CBLB: variants seen among roughly 807,000 people sequenced by gnomAD.
CBLB encodes the protein Cbl proto-oncogene B.
CBLB carries 31 observed loss-of-function variants against 104.9 expected under a neutral mutation model. The observed-to-expected ratio is 0.30, with a 90% CI of 0.22 to 0.40. CBLB has a LOEUF of 0.40. Ranked by LOEUF, CBLB falls within the 10% of genes least tolerant of loss-of-function variation. CBLB has a pLI of 1.00. For synonymous variants in CBLB, 440 were observed against 422.6 expected, an observed-to-expected ratio of 1.04 and a Z score of -0.51; for missense variants, 1,062 against 1,214.6, an observed-to-expected ratio of 0.87 and a Z score of 1.87.
chr3:105,661,271 C>T lies in CBLB; in HGVS notation c.2690-2042G>A, dbSNP rs561994955. Among the ~76,000 whole-genome samples the T allele has an allele frequency of 5.0e-4, 76 of 152,250 alleles. 2 individuals carry two copies. The South Asian group carries it at 0.016, about 31-fold the overall frequency. On this transcript the variant is annotated intron_variant, in intron 18 of 18. Transcript: ENST00000394030. Reference sequence around the variant, plus strand: ...GTTTCTTGCATCTGTAATTAAACATCTCAAACTATTATCGTCTGATAAACT... The same window carrying T: ...GTTTCTTGCATCTGTAATTAAACATTTCAAACTATTATCGTCTGATAAACT...
intron 14 of CBLB, among the ~76,000 whole-genome samples, chr3:105,683,596 T>C (rs2066600067): frequency 6.6e-6 from 1 of 152,068 alleles, no homozygotes; most frequent in South Asian, 2.1e-4. Context: ...CAAAAAAAGC[T>C]CATCCTACTT....
chr3:105,819,542 T>C (rs1034466409), intron 3 of CBLB, among the ~76,000 whole-genome samples: 2 of 152,052 alleles, frequency 1.3e-5, no homozygotes, highest in African/African-American at 2.4e-5. Flanking sequence ...GTAAGATGTA[T>C]AGAAACAATT....
At chr3:105,738,666 G>A (rs905136633) in intron 7 of CBLB, among the ~76,000 whole-genome samples, 19 of 152,074 alleles carry the variant, frequency 1.2e-4, no homozygotes, top group Middle Eastern at 6.8e-3. Flanking sequence ...CTATCAGGAG[G>A]TTGTTGATAG....
At chr3:105,863,165 C>T (rs1031838912) in intron 2 of CBLB, among the ~76,000 whole-genome samples, 1 of 152,142 alleles carries the variant, frequency 6.6e-6, no homozygotes, top group African/African-American at 2.4e-5. Context: ...ATATGAATGC[C>T]TTATATCACA....
rs188064448 is a variant in CBLB, at chr3:105,826,624, T to C, written c.419+26790A>G. On this transcript the variant is annotated intron_variant, in intron 3 of 18. Transcript: ENST00000394030. ...CATCCTCTTGTACCATTCTCTCAAA[T>C]ACTCTTCATAATATAAAGACTTACA... Among the ~76,000 whole-genome samples the C allele has an allele frequency of 2.0e-3, 308 of 152,294 alleles. 2 individuals are homozygous for C. The highest frequency in any genetic ancestry group is 7.2e-3 in the African/African-American group (299 of 41,564).
chr3:105,820,203 G>A (rs2085643894), intron 3 of CBLB, among the ~76,000 whole-genome samples: 1 of 152,106 alleles, frequency 6.6e-6, no homozygotes, highest in South Asian at 2.1e-4. Context: ...ACTCCTATGA[G>A]AATCTAATGC....
At chr3:105,714,897 T>C (rs900561836) in intron 10 of CBLB, among the ~76,000 whole-genome samples, 3 of 152,258 alleles carry the variant, frequency 2.0e-5, no homozygotes, top group South Asian at 2.1e-4. Flanking sequence ...CTTTTGTTCA[T>C]ACCCATTTTT....
intron 7 of CBLB, among the ~76,000 whole-genome samples, chr3:105,739,433 G>A (rs943774501): frequency 6.6e-6 from 1 of 152,100 alleles, no homozygotes; most frequent in African/African-American, 2.4e-5. Flanking sequence ...CAAGGCAGAG[G>A]GGAAGAAAAA....
chr3:105,667,552 T>C (rs988197708), intron 18 of CBLB, among the ~76,000 whole-genome samples: 8 of 152,324 alleles, frequency 5.3e-5, no homozygotes, highest in Non-Finnish European at 1.0e-4. Flanking sequence ...TACGTTCATA[T>C]ATTTAAATTT....
At chr3:105,789,129 C>G (rs2081357204) in intron 3 of CBLB, among the ~76,000 whole-genome samples, 1 of 152,152 alleles carries the variant, frequency 6.6e-6, no homozygotes, top group Admixed American at 6.5e-5. Flanking sequence ...GTTTGCTATA[C>G]AGCAATAAAT....
At chr3:105,678,627 A>T in intron 16 of CBLB, 56 bp from the exon 17 acceptor site, 1 of 1,522,986 alleles carries the variant, frequency 6.6e-7, no homozygotes, top group Non-Finnish European at 9.0e-7. Flanking sequence ...CAAAATACAC[A>T]GCATCTAACA....
At chr3:105,823,042 G>A (rs1346930829) in intron 3 of CBLB, among the ~76,000 whole-genome samples, 1 of 152,186 alleles carries the variant, frequency 6.6e-6, no homozygotes, top group African/African-American at 2.4e-5. Flanking sequence ...ATCCCTAGAA[G>A]TTAAGTGTGT....
At chr3:105,660,474 G>T (rs2063683643) in intron 18 of CBLB, among the ~76,000 whole-genome samples, 2 of 152,020 alleles carry the variant, frequency 1.3e-5, no homozygotes, top group African/African-American at 4.8e-5. Context: ...TTACAGGAGT[G>T]AGCCACCGCA....
intron 2 of CBLB, among the ~76,000 whole-genome samples, chr3:105,856,784 A>G (rs1255701007): frequency 4.6e-5 from 7 of 152,236 alleles, no homozygotes; most frequent in Admixed American, 2.6e-4. Flanking sequence ...AAATCTTTAC[A>G]AAGTATAGTG....
At chr3:105,710,319 A>G (rs2070880608) in intron 10 of CBLB, among the ~76,000 whole-genome samples, 2 of 151,916 alleles carry the variant, frequency 1.3e-5, no homozygotes, top group Admixed American at 1.3e-4. Context: ...TCTAATCTTA[A>G]GACAAACAAA....
intron 13 of CBLB, among the ~76,000 whole-genome samples, chr3:105,686,936 T>G (rs1014756369): frequency 6.6e-6 from 1 of 152,062 alleles, no homozygotes; most frequent in Non-Finnish European, 1.5e-5. Flanking sequence ...TGGTTTAACT[T>G]TGGAGGATTT....
chr3:105,663,265 A>T (rs547574840), intron 18 of CBLB, among the ~76,000 whole-genome samples: 1 of 152,328 alleles, frequency 6.6e-6, no homozygotes, highest in East Asian at 1.9e-4. Context: ...AGAACCTAGA[A>T]ATGATAACAA....
intron 3 of CBLB, among the ~76,000 whole-genome samples, chr3:105,841,095 A>G (rs949906248): frequency 3.3e-5 from 5 of 152,060 alleles, no homozygotes; most frequent in African/African-American, 1.2e-4. Context: ...GGAGTTTGAG[A>G]CCAGTCTGGC....
chr3:105,747,479 C>A (rs546036974), intron 5 of CBLB, among the ~76,000 whole-genome samples: 2 of 152,178 alleles, frequency 1.3e-5, no homozygotes, highest in African/African-American at 2.4e-5. Context: ...AGTTTTTTAG[C>A]CTTTTTCAAC....
Sources: gnomAD v4.1 joint callset for allele counts (sites outside exome capture counted in the v4.1 genomes callset) on GRCh38, gnomAD v4.1.1 for gene constraint, MANE v1.5 for transcripts, NCBI Gene and HGNC (gene_info 2026-07-23, HGNC 2026-07-21) for gene names.